RYR2: variants seen among roughly 807,000 people sequenced by gnomAD.
RYR2 encodes the protein ryanodine receptor 2.
Under a neutral mutation model 601.1 loss-of-function variants are expected in RYR2, and 227 were observed. The observed-to-expected ratio is 0.38, with a 90% CI of 0.34 to 0.42. The LOEUF is 0.42. RYR2 is among the 10% of genes least tolerant of loss of function. The pLI, the probability that RYR2 is intolerant of heterozygous loss-of-function variation, is 1.00. For missense variants in RYR2, 4,646 were observed against 6,156.5 expected, an observed-to-expected ratio of 0.75 and a Z score of 8.21; for synonymous variants, 2,223 against 2,175.1, an observed-to-expected ratio of 1.02 and a Z score of -0.61.
intron 17 of RYR2, 88 bp downstream of exon 17, chr1:237,469,275 A>AAC: frequency 1.3e-6 from 1 of 786,102 alleles, no homozygotes; most frequent in South Asian, 2.0e-5. Flanking sequence ...AAAAAAAAAA[A>AAC]AAAACAACTT....
intron 44 of RYR2, among the ~76,000 whole-genome samples, chr1:237,637,078 G>A (rs1680952963): frequency 6.6e-6 from 1 of 152,116 alleles, no homozygotes; most frequent in South Asian, 2.1e-4. Flanking sequence ...GAGGAGTGAC[G>A]GCCATGTTCT....
intron 8 of RYR2, among the ~76,000 whole-genome samples, chr1:237,381,960 C>CA (rs368841509): frequency 6.6e-5 from 10 of 152,138 alleles, no homozygotes; most frequent in African/African-American, 2.4e-4. Context: ...AAGGCCTTAG[C>CA]AAAGCACCTT....
intron 41 of RYR2, among the ~76,000 whole-genome samples, chr1:237,629,881 G>A (rs1351333809): frequency 6.6e-6 from 1 of 152,002 alleles, no homozygotes; most frequent in African/African-American, 2.4e-5. Context: ...ATTCATAATT[G>A]TTGCACACTA....
intron 1 of RYR2, among the ~76,000 whole-genome samples, chr1:237,249,157 A>G (rs1687210445): frequency 6.6e-6 from 1 of 152,172 alleles, no homozygotes; most frequent in Non-Finnish European, 1.5e-5. Flanking sequence ...AGTTTCCATT[A>G]CTAGATGAAA....
intron 58 of RYR2, among the ~76,000 whole-genome samples, chr1:237,670,415 G>A (rs896338067): frequency 1.3e-5 from 2 of 152,034 alleles, no homozygotes; most frequent in Non-Finnish European, 2.9e-5. Flanking sequence ...GGGATAATAT[G>A]CCTGTATTCT....
intron 1 of RYR2, among the ~76,000 whole-genome samples, chr1:237,178,747 G>T (rs1426980986): frequency 6.6e-6 from 1 of 152,042 alleles, no homozygotes; most frequent in Non-Finnish European, 1.5e-5. Context: ...CAAAGCTGCA[G>T]TGAGCTATGA....
At chr1:237,382,762 A>C (rs1447252191) in intron 8 of RYR2, among the ~76,000 whole-genome samples, 1 of 152,128 alleles carries the variant, frequency 6.6e-6, no homozygotes, top group Non-Finnish European at 1.5e-5. Context: ...TAAAAGAGTG[A>C]TCATAAATAT....
chr1:237,132,214 A>C (rs371277024), intron 1 of RYR2, among the ~76,000 whole-genome samples: 1 of 152,264 alleles, frequency 6.6e-6, no homozygotes, highest in Non-Finnish European at 1.5e-5. Flanking sequence ...AGGACACTCA[A>C]GTAATCTATA....
At chr1:237,327,753 C>T (rs1365159524) in intron 2 of RYR2, among the ~76,000 whole-genome samples, 1 of 152,108 alleles carries the variant, frequency 6.6e-6, no homozygotes, top group Non-Finnish European at 1.5e-5. Flanking sequence ...TTTTTATATT[C>T]TTGACACTGT....
chr1:237,375,643 A>G (rs141985130), intron 7 of RYR2, among the ~76,000 whole-genome samples: 8 of 152,296 alleles, frequency 5.3e-5, no homozygotes, highest in Non-Finnish European at 1.0e-4. Context: ...TAATAGACCA[A>G]TGCATCGTCT....
At position 237,784,441 on chromosome 1, in the gene RYR2, G is replaced by C; in HGVS notation, c.12729G>C (p.Ser4243=). 1 of 1,613,666 alleles carries C rather than the reference G, an allele frequency of 6.2e-7. No homozygotes were observed. Residue 4243 remains serine, a synonymous_variant, in exon 90 of 105, where the codon TCG becomes TCC. Transcript: ENST00000366574. This position sits in a 1 kb window ranked among gnomAD's most constrained non-coding sequence, Gnocchi z 7.1. ...TCTTCTCCATTCTGACGGTCAGGTC[G>C]GCCCTGTTTGCGCTCAGGTACAATA... ...MAFFSILTVR[S]ALFALRYNIL...
At chr1:237,268,935 C>CAAAAAAAAAAAA (rs1160004017) in intron 1 of RYR2, among the ~76,000 whole-genome samples, 1 of 16,226 alleles carries the variant, frequency 6.2e-5, no homozygotes, top group Admixed American at 1.3e-3. Context: ...ACTCTTGTCT[C>CAAAAAAAAAAAA]AAAAAAAAAA....
At chr1:237,550,741 T>C (rs1275169372) in intron 27 of RYR2, 50 bp downstream of exon 27, 1 of 1,507,048 alleles carries the variant, frequency 6.6e-7, no homozygotes, top group South Asian at 1.3e-5. Context: ...GATGTAGTAG[T>C]TCTTTAAAGC....
At chr1:237,288,387 T>C (rs753393129) in intron 2 of RYR2, among the ~76,000 whole-genome samples, 4 of 151,952 alleles carry the variant, frequency 2.6e-5, no homozygotes, top group Non-Finnish European at 5.9e-5. Flanking sequence ...AGATTATATG[T>C]CCTTTGTCTT....
chr1:237,736,252 G>A (rs1406263833), intron 79 of RYR2, among the ~76,000 whole-genome samples: 3 of 152,048 alleles, frequency 2.0e-5, no homozygotes, highest in Non-Finnish European at 2.9e-5. Context: ...TTTGAGATCA[G>A]GAGTTTGAGA....
In RYR2 at chr1:237,772,071, T is replaced by C; in HGVS notation, c.11617T>C (p.Ser3873Pro). The C allele has an allele frequency of 6.5e-7, 1 of 1,547,520 alleles. No homozygotes were observed. Among genetic ancestry groups the C allele is most frequent in the Non-Finnish European group, 8.8e-7 (1 of 1,137,290 alleles). ...TAATACAACTGTCAACATAATTATC[T>C]CCACTGTAGACTACCTACTGAGAGT... ...GNNTTVNIII[S>P]TVDYLLRVQE... Residue 3873 changes from serine (S) to proline (P), a missense_variant, in exon 86 of 105, where the codon TCC becomes CCC. By Grantham distance (74) the Ser-to-Pro change is moderately conservative. Coordinates refer to ENST00000366574, the MANE Select transcript of RYR2 (RefSeq NM_001035.3).
chr1:237,177,459 G>A (rs1678182122), intron 1 of RYR2, among the ~76,000 whole-genome samples: 1 of 151,986 alleles, frequency 6.6e-6, no homozygotes, highest in Non-Finnish European at 1.5e-5. Context: ...TGAATTCTAA[G>A]CTTATTCTCT....
At chr1:237,412,939 C>T (rs1287854458) in intron 10 of RYR2, among the ~76,000 whole-genome samples, 1 of 152,092 alleles carries the variant, frequency 6.6e-6, no homozygotes, top group East Asian at 1.9e-4. Flanking sequence ...TGATTTGATA[C>T]TTGAAATGCA....
At chr1:237,508,854 T>G (rs1165733257) in intron 23 of RYR2, among the ~76,000 whole-genome samples, 1 of 146,188 alleles carries the variant, frequency 6.8e-6, no homozygotes, top group Non-Finnish European at 1.5e-5. Context: ...GCCATTCTCC[T>G]GCCTCAGCCT....
Sources: gnomAD v4.1 joint callset for allele counts (sites outside exome capture counted in the v4.1 genomes callset) on GRCh38, gnomAD v4.1.1 for gene constraint, Gnocchi (gnomAD v3.1) non-coding constraint, MANE v1.5 for transcripts, NCBI Gene and HGNC (gene_info 2026-07-23, HGNC 2026-07-21) for gene names.